ETV6: variants seen among roughly 807,000 people sequenced by gnomAD.
ETV6 encodes ETS variant transcription factor 6.
In ETV6, 16 loss-of-function variants were observed where a neutral mutation model predicts 51.1. The observed-to-expected ratio is 0.31, with a 90% CI of 0.21 to 0.48. The LOEUF is 0.48. Ranked by LOEUF, ETV6 falls within the 20% of genes least tolerant of loss-of-function variation. The probability of loss-of-function intolerance (pLI) is 0.99; values close to 1 mark genes in which losing one functional copy is unlikely to be tolerated. For synonymous variants in ETV6, 240 were observed against 224.1 expected (o/e 1.07, Z -0.64); for missense variants, 458 against 594.8 (o/e 0.77, Z 2.39).
chr12:11,650,704 C>T (rs1863891090), intron 1 of ETV6, among the ~76,000 whole-genome samples: 1 of 151,886 alleles, frequency 6.6e-6, no homozygotes, highest in Admixed American at 6.6e-5. Flanking sequence ...CAAGCGCTGT[C>T]GGAGAGACAG....
intron 1 of ETV6, among the ~76,000 whole-genome samples, chr12:11,730,534 G>A (rs978073870): frequency 2.0e-5 from 3 of 152,202 alleles, no homozygotes; most frequent in African/African-American, 7.2e-5. Flanking sequence ...GTTGTCCAGC[G>A]CAGCCCAGCA....
chr12:11,876,510 C>T (rs912835870), intron 5 of ETV6, among the ~76,000 whole-genome samples: 2 of 152,192 alleles, frequency 1.3e-5, no homozygotes, highest in African/African-American at 4.8e-5. Context: ...TACTTTAATT[C>T]CGTTAAAACC....
chr12:11,658,540 C>A (rs949744898), intron 1 of ETV6, among the ~76,000 whole-genome samples: 1 of 152,182 alleles, frequency 6.6e-6, no homozygotes, highest in Non-Finnish European at 1.5e-5. Flanking sequence ...CGGCCCCCGG[C>A]CAGGGATGTT....
In ETV6 at chr12:11,892,360, CG is replaced by C. The variant is rs1175752952; in HGVS notation, c.*1316del. The C allele has an allele frequency of 4.3e-6, 1 of 232,852 alleles. No individual in the cohort carries two copies. The highest frequency in any genetic ancestry group is 8.5e-6 in the Non-Finnish European group (1 of 118,012). 14.4% of individuals were successfully genotyped at this position (232,852 alleles called of 1,614,324 possible). A position where few individuals can be genotyped will look rare whatever the true frequency, so the allele number is the denominator to read the frequency against. On this transcript the variant is annotated 3_prime_UTR_variant, in exon 8 of 8. Transcript: ENST00000396373. Reference sequence around the variant, plus strand: ...CAGCCTGGGCAGACAGGAAATTCCTCGGATACATTATTTTTTCTTTCTTTCA... The same window carrying C: ...CAGCCTGGGCAGACAGGAAATTCCTCGATACATTATTTTTTCTTTCTTTCA...
chr12:11,666,465 T>A (rs1343597590), intron 1 of ETV6, among the ~76,000 whole-genome samples: 1 of 152,186 alleles, frequency 6.6e-6, no homozygotes, highest in Non-Finnish European at 1.5e-5. Flanking sequence ...TCAATATTGC[T>A]GTTTACAGTG....
At chr12:11,704,383 G>C (rs1207370297) in intron 1 of ETV6, among the ~76,000 whole-genome samples, 1 of 152,102 alleles carries the variant, frequency 6.6e-6, no homozygotes, top group African/African-American at 2.4e-5. Flanking sequence ...GTCTCACTCT[G>C]TTGCCCAGGC....
At chr12:11,704,285 A>C (rs888548708) in intron 1 of ETV6, among the ~76,000 whole-genome samples, 6 of 152,186 alleles carry the variant, frequency 3.9e-5, no homozygotes, top group African/African-American at 1.4e-4. Context: ...CAAATACCAG[A>C]GAGAAGGAGA....
chr12:11,784,642 A>G (rs1945457768), intron 2 of ETV6, among the ~76,000 whole-genome samples: 2 of 151,380 alleles, frequency 1.3e-5, no homozygotes, highest in African/African-American at 4.9e-5. Flanking sequence ...GGAAGAGCGG[A>G]GTTCGGAAAC....
intron 3 of ETV6, among the ~76,000 whole-genome samples, chr12:11,852,232 C>T (rs1467642760): frequency 6.6e-6 from 1 of 152,180 alleles, no homozygotes; most frequent in Non-Finnish European, 1.5e-5. Flanking sequence ...TTGCTAATTA[C>T]TCGTGGACAC....
In ETV6 at chr12:11,884,476, G is replaced by T. The variant is rs1407031773; in HGVS notation, c.1041G>T (p.Gln347His). Residue 347 changes from glutamine (Q) to histidine (H), a missense_variant, in exon 6 of 8, where the codon CAG (glutamine) becomes CAT (histidine). Physicochemically the swap from Gln to His is conservative, Grantham distance 24. This residue lies in a region of ETV6 where 55 missense variants were observed against 151.2 expected (regional missense o/e 0.36). Transcript: ENST00000396373. ...DCRLLWDYVYQLLSDSRYENF... is the reference protein window; with the variant it reads ...DCRLLWDYVYHLLSDSRYENF... ...GACTGCTTTGGGATTACGTCTATCA[G>T]TTGCTTTCTGACAGCCGGTACGAAA... The T allele has an allele frequency of 6.2e-7, 1 of 1,614,086 alleles. No homozygotes were observed.
Position 11,854,540 on chromosome 12 carries a change from T to C in ETV6, c.463+979T>C, listed in dbSNP as rs145085974. Among the ~76,000 whole-genome samples the C allele has an allele frequency of 5.3e-4, 80 of 152,342 alleles. No homozygotes were observed. In the Middle Eastern group the frequency reaches 0.014, roughly 26 times the overall value. Reference sequence around the variant, plus strand: ...TAGATGACTTGGATTATAAAGCTTATCTTCTCCCACTCTTTTATTACAGAA... The same window carrying C: ...TAGATGACTTGGATTATAAAGCTTACCTTCTCCCACTCTTTTATTACAGAA... On this transcript the variant is annotated intron_variant, in intron 4 of 7. Coordinates refer to ENST00000396373, the MANE Select transcript of ETV6 (RefSeq NM_001987.5).
chr12:11,767,508 G>T (rs959317599), intron 2 of ETV6, among the ~76,000 whole-genome samples: 1 of 152,222 alleles, frequency 6.6e-6, no homozygotes, highest in African/African-American at 2.4e-5. Context: ...TCAGGTGGCC[G>T]CATGGTATAG....
At chr12:11,662,747 T>A (rs747252543) in intron 1 of ETV6, among the ~76,000 whole-genome samples, 13 of 152,254 alleles carry the variant, frequency 8.5e-5, no homozygotes, top group Non-Finnish European at 1.5e-4. Context: ...TCTTCCTTTA[T>A]GCACATATTT....
At chr12:11,745,553 T>C (rs1186059678) in intron 1 of ETV6, among the ~76,000 whole-genome samples, 1 of 152,168 alleles carries the variant, frequency 6.6e-6, no homozygotes, top group Admixed American at 6.5e-5. Context: ...CCTTCATCCA[T>C]TCCCCTCTTG....
intron 1 of ETV6, among the ~76,000 whole-genome samples, chr12:11,680,184 C>G (rs1011107894): frequency 1.3e-5 from 2 of 152,136 alleles, no homozygotes; most frequent in Admixed American, 1.3e-4. Context: ...TGAGGCATTC[C>G]CATGAGAACC....
intron 2 of ETV6, among the ~76,000 whole-genome samples, chr12:11,822,197 C>T (rs759711187): frequency 7.2e-5 from 11 of 152,124 alleles, no homozygotes; most frequent in East Asian, 5.8e-4. Flanking sequence ...CTAGGTTAGA[C>T]GGATGGGTGA....
intron 2 of ETV6, among the ~76,000 whole-genome samples, chr12:11,757,776 G>A (rs1945028791): frequency 6.6e-6 from 1 of 152,226 alleles, no homozygotes; most frequent in Admixed American, 6.5e-5. Context: ...ACTGGGACCG[G>A]TGTGGTTCTA....
intron 3 of ETV6, among the ~76,000 whole-genome samples, chr12:11,841,591 G>A: frequency 6.6e-6 from 1 of 152,332 alleles, no homozygotes; most frequent in East Asian, 1.9e-4. Flanking sequence ...CAGTTAGGAG[G>A]TGGCAATAGA....
chr12:11,806,311 T>C (rs903670598), intron 2 of ETV6, among the ~76,000 whole-genome samples: 3 of 152,178 alleles, frequency 2.0e-5, no homozygotes, highest in Non-Finnish European at 4.4e-5. Flanking sequence ...GAGTGAAAGG[T>C]ACAAAGTAAG....
Sources: gnomAD v4.1 joint callset for allele counts (sites outside exome capture counted in the v4.1 genomes callset) on GRCh38, gnomAD v4.1.1 for gene constraint, gnomAD v4.1.1 regional missense constraint, MANE v1.5 for transcripts, NCBI Gene and HGNC (gene_info 2026-07-23, HGNC 2026-07-21) for gene names.